DUSP23: variants seen among roughly 807,000 people sequenced by gnomAD.
The protein encoded by DUSP23 is dual specificity protein phosphatase 23.
In DUSP23, 10 loss-of-function variants were observed where a neutral mutation model predicts 13.3. The ratio of observed to expected loss-of-function variants is 0.75; its 90% CI spans 0.46 to 1.27. The LOEUF is 1.27. Among genes scored for constraint, DUSP23 ranks in the 50% most tolerant of loss-of-function variants. The pLI is 0.00. For missense variants in DUSP23, 228 were observed against 204.8 expected (o/e 1.11, Z -0.69); for synonymous variants, 107 against 95.3 (o/e 1.12, Z -0.72).
In DUSP23 at chr1:159,781,219, T is replaced by C; in HGVS notation, c.119T>C (p.Val40Ala). Residue 40 changes from valine (V) to alanine (A), a missense_variant, in exon 1 of 2, where the codon GTG (valine) becomes GCG (alanine). By Grantham distance (64) the Val-to-Ala change is moderately conservative. Coordinates refer to ENST00000368107, the MANE Select transcript of DUSP23 (RefSeq NM_001319658.2). ...FLLDLGVRHLVSLTERGPPHS... is the reference protein window; with the variant it reads ...FLLDLGVRHLASLTERGPPHS... Reference sequence around the variant, plus strand: ...TTGGACCTGGGCGTGCGGCACCTGGTGTCCCTGACGGAGCGCGGGCCCCCT... The same window carrying C: ...TTGGACCTGGGCGTGCGGCACCTGGCGTCCCTGACGGAGCGCGGGCCCCCT... The C allele has an allele frequency of 6.5e-7, 1 of 1,549,462 alleles. No homozygotes were observed. The highest frequency in any genetic ancestry group is 8.7e-7 in the Non-Finnish European group (1 of 1,146,450).
intron 1 of DUSP23, 79 bp downstream of exon 1, chr1:159,781,446 G>A: frequency 1.4e-6 from 2 of 1,417,800 alleles, no homozygotes; most frequent in Non-Finnish European, 9.2e-7. Flanking sequence ...GGGAGACCGG[G>A]CCTGGGATAA....
chr1:159,781,015 T>C lies in DUSP23; in HGVS notation c.-86T>C. 2 of 1,438,326 alleles carry C rather than the reference T, an allele frequency of 1.4e-6. No individual in the cohort carries two copies. The highest frequency in any genetic ancestry group is 1.8e-6 in the Non-Finnish European group (2 of 1,095,474). 89.1% of individuals were successfully genotyped at this position (1,438,326 alleles called of 1,614,324 possible). On this transcript the variant is annotated 5_prime_UTR_variant, in exon 1 of 2. Coordinates refer to ENST00000368107, the MANE Select transcript of DUSP23 (RefSeq NM_001319658.2). The stretch of plus-strand genomic sequence containing the variant: ...CCAGGTAGGTGGTGAGTTACTTGGC[T>C]CGGAGCGGGCGAGGGGACGCGTGGG...
chr1:159,782,070 G>T, intron 1 of DUSP23, 83 bp from the exon 2 acceptor site: 1 of 1,502,634 alleles, frequency 6.7e-7, no homozygotes, highest in Non-Finnish European at 9.1e-7. Context: ...AGAAGAAGGA[G>T]CTGTGGGGAG....
intron 1 of DUSP23, 145 bp downstream of exon 1, chr1:159,781,512 G>A (rs902183100): frequency 2.6e-6 from 3 of 1,160,720 alleles, no homozygotes; most frequent in Non-Finnish European, 2.3e-6. Context: ...AAGCCAGTGC[G>A]GGGGAGGGAA....
Position 159,782,349 on chromosome 1 carries a change from T to C in DUSP23, c.*11T>C. The stretch of plus-strand genomic sequence containing the variant: ...CAGCGAACGAAATAAGGGGCCTTAG[T>C]ACCCTTCTACCAGGCCCTCACTCCC... On this transcript the variant is annotated 3_prime_UTR_variant, in exon 2 of 2. Transcript: ENST00000368107. 1 of 1,612,352 alleles carries C rather than the reference T, an allele frequency of 6.2e-7. No individual in the cohort carries two copies. The highest frequency in any genetic ancestry group is 8.5e-7 in the Non-Finnish European group (1 of 1,178,776).
chr1:159,782,100 A>G, intron 1 of DUSP23, 53 bp from the exon 2 acceptor site: 1 of 1,594,910 alleles, frequency 6.3e-7, no homozygotes, highest in Admixed American at 1.7e-5. Flanking sequence ...AGGGGCAGGA[A>G]ACAGTTGTGG....
Position 159,782,509 on chromosome 1 carries a change from C to T in DUSP23, c.*171C>T. 5 of 742,822 alleles carry T rather than the reference C, an allele frequency of 6.7e-6. No homozygotes were observed. Among genetic ancestry groups the T allele is most frequent in the East Asian group, 2.7e-5 (1 of 36,630 alleles). 46.0% of individuals were successfully genotyped at this position (742,822 alleles called of 1,614,324 possible). A position where few individuals can be genotyped will look rare whatever the true frequency, so the allele number is the denominator to read the frequency against. On this transcript the variant is annotated 3_prime_UTR_variant, in exon 2 of 2. Transcript: ENST00000368107. ...GTCCTGATTGAAGGGGAGGCTTGTA[C>T]TGCTTTGTTGAATAAATGAGTTTTA...
At chr1:159,781,462 C>A (rs564341682) in intron 1 of DUSP23, 95 bp downstream of exon 1, 1 of 1,396,766 alleles carries the variant, frequency 7.2e-7, no homozygotes, top group Non-Finnish European at 9.3e-7. Flanking sequence ...GATAACTTAA[C>A]TGGGCTCGGG....
At chr1:159,782,116 G>A (rs546169811) in intron 1 of DUSP23, 37 bp from the exon 2 acceptor site, 8 of 1,606,162 alleles carry the variant, frequency 5.0e-6, no homozygotes, top group African/African-American at 1.3e-5. Flanking sequence ...TGTGGGTGGG[G>A]GAGTTGAGTG....
chr1:159,781,304 G>A lies in DUSP23; in HGVS notation c.204G>A (p.Pro68=). Reference sequence around the variant, plus strand: ...GCCTGCGCATCCCCGACTTCTGCCCGCCGGCCCCCGACCAGATCGACCGCT... The same window carrying A: ...GCCTGCGCATCCCCGACTTCTGCCCACCGGCCCCCGACCAGATCGACCGCT... ...LHRLRIPDFC[P]PAPDQIDRFV... Residue 68 remains proline (P), a synonymous_variant, in exon 1 of 2, where the codon CCG becomes CCA. Coordinates refer to ENST00000368107, the MANE Select transcript of DUSP23 (RefSeq NM_001319658.2). The A allele has an allele frequency of 1.3e-6, 2 of 1,546,466 alleles. No homozygotes were observed. Among genetic ancestry groups the A allele is most frequent in the Admixed American group, 2.0e-5 (1 of 50,820 alleles).
chr1:159,782,143 C>T lies in DUSP23; in HGVS notation c.268-10C>T, dbSNP rs368989027. Reference sequence around the variant, plus strand: ...AGTTGAGTGGCACCCATCGAGCCCCCTCTTCGTAGGCTGTGGGAGTGCACT... The same window carrying T: ...AGTTGAGTGGCACCCATCGAGCCCCTTCTTCGTAGGCTGTGGGAGTGCACT... On this transcript the variant is annotated splice_polypyrimidine_tract_variant and intron_variant, in intron 1 of 1. Transcript: ENST00000368107. 5.6e-6 allele frequency: 9 copies of T among 1,612,856 alleles called. No individual in the cohort carries two copies. In the South Asian group the frequency reaches 6.6e-5, roughly 12 times the overall value.
At position 159,781,183 on chromosome 1, in the gene DUSP23, A is replaced by G. The variant is rs574443828; in HGVS notation, c.83A>G (p.Tyr28Cys). 25 of 1,549,214 alleles carry G rather than the reference A, an allele frequency of 1.6e-5. No individual in the cohort carries two copies. In the East Asian group the frequency reaches 6.1e-4, roughly 38 times the overall value. ...GCGCTGCCGCGGCTCCCCGCCCACT[A>G]CCAGTTCCTGTTGGACCTGGGCGTG... ...GLALPRLPAHYQFLLDLGVRH... is the reference protein window; with the variant it reads ...GLALPRLPAHCQFLLDLGVRH... Residue 28 changes from tyrosine to cysteine, a missense_variant, in exon 1 of 2, where the codon TAC becomes TGC. Transcript: ENST00000368107.
Position 159,782,331 on chromosome 1 carries a change from C to T in DUSP23, c.446C>T (p.Thr149Met), listed in dbSNP as rs1661901761. 1.2e-6 allele frequency: 2 copies of T among 1,613,736 alleles called. No homozygotes were observed. The highest frequency in any genetic ancestry group is 1.1e-5 in the South Asian group (1 of 91,066). ...EKAVFQFYQRTK is the reference protein window; with the variant it reads ...EKAVFQFYQRMK ...GCAGTCTTCCAGTTCTACCAGCGAA[C>T]GAAATAAGGGGCCTTAGTACCCTTC... Residue 149 changes from threonine (T) to methionine (M), a missense_variant, in exon 2 of 2, where the codon ACG (threonine) becomes ATG (methionine). Thr to Met is a moderately conservative substitution (Grantham distance 81). Transcript: ENST00000368107.
In DUSP23 at chr1:159,781,319, G is replaced by C. The variant is rs200809170; in HGVS notation, c.219G>C (p.Gln73His). ...ACTTCTGCCCGCCGGCCCCCGACCA[G>C]ATCGACCGCTTCGTGCAGATCGTGG... ...IPDFCPPAPDQIDRFVQIVDE... is the reference protein window; with the variant it reads ...IPDFCPPAPDHIDRFVQIVDE... The change falls in exon 1 of 2, where the codon CAG becomes CAC. Residue 73 changes from glutamine (Q) to histidine (H), a missense_variant. Transcript: ENST00000368107. 6.5e-7 allele frequency: 1 copy of C among 1,545,432 alleles called. No homozygotes were observed. Among genetic ancestry groups the C allele is most frequent in the Non-Finnish European group, 8.7e-7 (1 of 1,144,742 alleles).
In DUSP23 at chr1:159,782,389, C is replaced by T. The variant is rs1007122679; in HGVS notation, c.*51C>T. ...CCCTCACTCCCCTTCCCCATGTTGT[C>T]GATGGGGCCAGAGATGAAGGGAAGT... On this transcript the variant is annotated 3_prime_UTR_variant, in exon 2 of 2. Coordinates refer to ENST00000368107, the MANE Select transcript of DUSP23 (RefSeq NM_001319658.2). 4 of 1,590,230 alleles carry T rather than the reference C, an allele frequency of 2.5e-6. No homozygotes were observed. The highest frequency in any genetic ancestry group is 1.3e-5 in the African/African-American group (1 of 74,292).
At chr1:159,781,661 C>G (rs1661876823) in intron 1 of DUSP23, among the ~76,000 whole-genome samples, 1 of 152,082 alleles carries the variant, frequency 6.6e-6, no homozygotes, top group African/African-American at 2.4e-5. Context: ...GGGTTGAAGT[C>G]AGGTGGAGGC....
intron 1 of DUSP23, 55 bp downstream of exon 1, chr1:159,781,422 C>A: frequency 6.9e-7 from 1 of 1,446,020 alleles, no homozygotes; most frequent in Non-Finnish European, 9.1e-7. Flanking sequence ...CAGCGGGGGA[C>A]ACGGGCGGAG....
intron 1 of DUSP23, 81 bp downstream of exon 1, chr1:159,781,448 CTGGG>C (rs931670186): frequency 7.1e-7 from 1 of 1,411,712 alleles, no homozygotes. Flanking sequence ...GAGACCGGGC[CTGGG>C]ATAACTTAAC....
intron 1 of DUSP23, 108 bp downstream of exon 1, chr1:159,781,475 G>C: frequency 7.3e-7 from 1 of 1,366,340 alleles, no homozygotes; most frequent in Non-Finnish European, 9.6e-7. Context: ...GGCTCGGGGA[G>C]GCAGACAGTA....
Sources: gnomAD v4.1 joint callset for allele counts (sites outside exome capture counted in the v4.1 genomes callset) on GRCh38, gnomAD v4.1.1 for gene constraint, MANE v1.5 for transcripts, NCBI Gene and HGNC (gene_info 2026-07-23, HGNC 2026-07-21) for gene names.